The following TXNRD1 variants were observed in gnomAD, a reference collection of about 807,000 sequenced individuals.
TXNRD1 encodes the protein thioredoxin reductase 1, also known as thioredoxin reductase 1, cytoplasmic.
In TXNRD1, 57 loss-of-function variants were observed where a neutral mutation model predicts 80.3. The observed-to-expected ratio is 0.71, with a 90% CI of 0.57 to 0.89. The LOEUF (loss-of-function observed/expected upper bound fraction) is 0.89. TXNRD1 is among the 40% of genes least tolerant of loss of function. The pLI, the probability that TXNRD1 is intolerant of heterozygous loss-of-function variation, is 0.00. For missense variants in TXNRD1, 730 were observed against 803.0 expected (o/e 0.91, Z 1.10); for synonymous variants, 291 against 285.2 (o/e 1.02, Z -0.20).
chr12:104,269,861 G>A (rs1429929123), intron 3 of TXNRD1, among the ~76,000 whole-genome samples: 5 of 151,892 alleles, frequency 3.3e-5, no homozygotes, highest in Non-Finnish European at 5.9e-5. Flanking sequence ...GAGCCCCCGC[G>A]CCCAGCCCAC....
chr12:104,248,398 C>T (rs1262278533), intron 1 of TXNRD1, among the ~76,000 whole-genome samples: 14 of 152,158 alleles, frequency 9.2e-5, no homozygotes, highest in Admixed American at 9.2e-4. Context: ...AGTTCTCCTG[C>T]CTCAACCTCC....
intron 4 of TXNRD1, among the ~76,000 whole-genome samples, chr12:104,306,062 C>T (rs2034903394): frequency 6.6e-6 from 1 of 152,134 alleles, no homozygotes; most frequent in Non-Finnish European, 1.5e-5. Flanking sequence ...TGCCATCACA[C>T]CCAGCAAATA....
intron 13 of TXNRD1, 63 bp downstream of exon 13, chr12:104,327,734 AG>A: frequency 1.3e-6 from 2 of 1,543,646 alleles, no homozygotes; most frequent in Admixed American, 1.9e-5. Flanking sequence ...TTCCTTATTT[AG>A]GGGGCAGTTG....
At chr12:104,272,288 C>T (rs1002005596) in intron 3 of TXNRD1, among the ~76,000 whole-genome samples, 5 of 152,028 alleles carry the variant, frequency 3.3e-5, no homozygotes, top group African/African-American at 7.2e-5. Flanking sequence ...AAGGTTAGAT[C>T]GCAAAGGCTA....
chr12:104,283,105 A>G (rs930226120), intron 3 of TXNRD1: 3 of 152,222 alleles, frequency 2.0e-5, no homozygotes, highest in Non-Finnish European at 4.4e-5. Flanking sequence ...TAACTTCAAG[A>G]GTGATGTTCA....
rs542253261 is a variant in TXNRD1, at chr12:104,244,433, T to C, written c.92-7094T>C. Among the ~76,000 whole-genome samples the C allele has an allele frequency of 2.2e-4, 34 of 152,326 alleles. 1 individual carries two copies. Among genetic ancestry groups the C allele is most frequent in the Middle Eastern group, 3.4e-3 (1 of 294 alleles). Reference sequence around the variant, plus strand: ...AGAGACAGGAACAAATGCAATAGGCTGGTATGCAACTTTAATTTTTTTTTT... The same window carrying C: ...AGAGACAGGAACAAATGCAATAGGCCGGTATGCAACTTTAATTTTTTTTTT... On this transcript the variant is annotated intron_variant, in intron 1 of 16. Transcript: ENST00000525566.
chr12:104,328,262 G>A (rs1392832597), intron 13 of TXNRD1, among the ~76,000 whole-genome samples: 1 of 151,346 alleles, frequency 6.6e-6, no homozygotes, highest in Non-Finnish European at 1.5e-5. Flanking sequence ...CACTGTTGTT[G>A]AATAGTGTAC....
At chr12:104,346,107 A>G in intron 16 of TXNRD1, 3 of 744,202 alleles carry the variant, frequency 4.0e-6, no homozygotes, top group Non-Finnish European at 6.1e-6. Flanking sequence ...TGACCTTTCA[A>G]GCTCAAGCGA....
chr12:104,316,650 A>G (rs779196811), intron 7 of TXNRD1, among the ~76,000 whole-genome samples: 1 of 152,176 alleles, frequency 6.6e-6, no homozygotes, highest in East Asian at 1.9e-4. Context: ...CAGCCTCCCA[A>G]AGTGCTGGGA....
chr12:104,305,263 C>A (rs2034853667), intron 4 of TXNRD1: 1 of 182,532 alleles, frequency 5.5e-6, no homozygotes, highest in Non-Finnish European at 1.2e-5. Flanking sequence ...AGTGATGATG[C>A]TCTGTGATGC....
intron 15 of TXNRD1, among the ~76,000 whole-genome samples, chr12:104,336,324 G>A (rs1313078411): frequency 6.6e-6 from 1 of 152,236 alleles, no homozygotes; most frequent in Non-Finnish European, 1.5e-5. Flanking sequence ...GAGGTCATAA[G>A]TAGGGTGACA....
At chr12:104,348,162 G>A (rs974249167) in intron 16 of TXNRD1, among the ~76,000 whole-genome samples, 191 bp from the exon 17 acceptor site, 2 of 151,954 alleles carry the variant, frequency 1.3e-5, no homozygotes, top group Non-Finnish European at 2.9e-5. Flanking sequence ...CTTTCATCTT[G>A]GTTTTAAAAT....
At chr12:104,277,399 CAA>C (rs373722163) in intron 3 of TXNRD1, among the ~76,000 whole-genome samples, 10 of 134,558 alleles carry the variant, frequency 7.4e-5, no homozygotes, top group East Asian at 2.2e-4. Flanking sequence ...GACTCTGTCT[CAA>C]AAAAAAAAAA....
At chr12:104,226,696 G>T (rs1270893411) in intron 1 of TXNRD1, among the ~76,000 whole-genome samples, 3 of 152,170 alleles carry the variant, frequency 2.0e-5, no homozygotes, top group Non-Finnish European at 4.4e-5. Context: ...GAAGTGAATG[G>T]ATGAATATTA....
intron 16 of TXNRD1, among the ~76,000 whole-genome samples, chr12:104,348,066 G>T (rs2036550500): frequency 1.3e-5 from 2 of 152,170 alleles, no homozygotes. Context: ...TTAGAGGGTT[G>T]ACAAGCACCT....
At chr12:104,303,661 TGGGCCGGGCCGGGGCG>T (rs1341566390) in intron 4 of TXNRD1, 2 of 450,814 alleles carry the variant, frequency 4.4e-6, no homozygotes, top group Non-Finnish European at 7.7e-6. Flanking sequence ...GGCTTGTGGC[TGGGCCGGGCCGGGGCG>T]GGGCTGTCTT....
intron 6 of TXNRD1, among the ~76,000 whole-genome samples, chr12:104,313,747 A>G (rs1024916814): frequency 2.6e-5 from 4 of 152,222 alleles, no homozygotes; most frequent in Admixed American, 2.6e-4. Flanking sequence ...CTGAACATTT[A>G]TTATGAACCA....
At chr12:104,275,146 C>T (rs972167961) in intron 3 of TXNRD1, among the ~76,000 whole-genome samples, 4 of 151,548 alleles carry the variant, frequency 2.6e-5, no homozygotes, top group Non-Finnish European at 5.9e-5. Context: ...GGTGTGGTGG[C>T]GCATGCCTGT....
At chr12:104,333,072 T>TA (rs903507470) in intron 14 of TXNRD1, among the ~76,000 whole-genome samples, 1 of 151,546 alleles carries the variant, frequency 6.6e-6, no homozygotes, top group African/African-American at 2.4e-5. Context: ...AATCTCCATT[T>TA]AAAAAAAATG....
Sources: allele counts gnomAD v4.1 joint callset (sites outside exome capture counted in the v4.1 genomes callset), GRCh38; gene constraint gnomAD v4.1.1; transcripts MANE v1.5; gene names NCBI Gene and HGNC (gene_info 2026-07-23, HGNC 2026-07-21).